FSTL5: variants seen among roughly 807,000 people sequenced by gnomAD.
FSTL5 encodes the protein follistatin-related protein 5.
FSTL5 carries 62 observed loss-of-function variants against 89.1 expected under a neutral mutation model. That is an observed-to-expected ratio of 0.70 (90% CI 0.57 to 0.86). The LOEUF (loss-of-function observed/expected upper bound fraction) is 0.86. FSTL5 is among the 40% of genes least tolerant of loss of function. The pLI is 0.00. For synonymous variants in FSTL5, 383 were observed against 346.2 expected, an observed-to-expected ratio of 1.11 and a Z score of -1.18; for missense variants, 1,057 against 1,001.6, an observed-to-expected ratio of 1.06 and a Z score of -0.75.
In FSTL5 at chr4:161,462,672, T is replaced by A. The variant is rs544059121; in HGVS notation, c.1609-3353A>T. 2.1e-4 allele frequency among the ~76,000 whole-genome samples: 32 copies of A among 152,224 alleles called. No individual in the cohort carries two copies. In the South Asian group the frequency reaches 6.2e-3, roughly 30 times the overall value. ...GTGAGATAGTAAAGTACTTAGCGTG[T>A]GCCTGGTGAATATTAAGTACCATGG... On this transcript the variant is annotated intron_variant, in intron 13 of 15. Coordinates refer to ENST00000306100, the MANE Select transcript of FSTL5 (RefSeq NM_020116.5).
At chr4:162,154,242 C>A (rs1190553834) in intron 1 of FSTL5, among the ~76,000 whole-genome samples, 1 of 152,054 alleles carries the variant, frequency 6.6e-6, no homozygotes, top group Non-Finnish European at 1.5e-5. Context: ...ATAAAAGATG[C>A]AAGTGCAATG....
intron 5 of FSTL5, among the ~76,000 whole-genome samples, chr4:161,773,629 A>T (rs1741288428): frequency 6.6e-6 from 1 of 152,328 alleles, no homozygotes; most frequent in Non-Finnish European, 1.5e-5. Context: ...AATGCAAATC[A>T]AAATCACCAT....
chr4:161,752,271 A>AGATG, intron 6 of FSTL5, among the ~76,000 whole-genome samples: 1 of 148,162 alleles, frequency 6.7e-6, no homozygotes, highest in East Asian at 2.0e-4. Flanking sequence ...ATAGATAGAT[A>AGATG]GATGGAATGT....
intron 2 of FSTL5, among the ~76,000 whole-genome samples, chr4:162,100,219 T>C (rs1648748660): frequency 6.6e-6 from 1 of 152,036 alleles, no homozygotes. Flanking sequence ...ATTCAGAAAA[T>C]GGAGTATTAT....
At chr4:161,424,909 C>A (rs549093242) in intron 15 of FSTL5, among the ~76,000 whole-genome samples, 17 of 152,338 alleles carry the variant, frequency 1.1e-4, no homozygotes, top group African/African-American at 3.4e-4. Flanking sequence ...CAAAGAAAAG[C>A]AAACTCAAAT....
At chr4:161,677,274 C>A (rs35252011) in intron 6 of FSTL5, among the ~76,000 whole-genome samples, 158 of 150,252 alleles carry the variant, frequency 1.1e-3, no homozygotes, top group Non-Finnish European at 1.9e-3. Flanking sequence ...AAAGAGAGCC[C>A]GAGAGAGAGA....
At chr4:161,727,926 T>G (rs1043163438) in intron 6 of FSTL5, among the ~76,000 whole-genome samples, 6 of 152,156 alleles carry the variant, frequency 3.9e-5, no homozygotes, top group African/African-American at 1.4e-4. Flanking sequence ...GAGGTTGCAA[T>G]GAGCCAAGTT....
chr4:161,561,449 G>A (rs765450522), intron 8 of FSTL5, among the ~76,000 whole-genome samples: 2 of 151,894 alleles, frequency 1.3e-5, no homozygotes, highest in African/African-American at 2.4e-5. Context: ...GGAACTGCAT[G>A]GTTTGAGATG....
chr4:161,788,435 A>C (rs1183270741), intron 4 of FSTL5, among the ~76,000 whole-genome samples: 1 of 152,134 alleles, frequency 6.6e-6, no homozygotes, highest in East Asian at 1.9e-4. Context: ...CCAGCCTCTG[A>C]TAGTTGTTCC....
At chr4:161,747,622 G>C (rs1301552192) in intron 6 of FSTL5, among the ~76,000 whole-genome samples, 1 of 152,118 alleles carries the variant, frequency 6.6e-6, no homozygotes, top group Non-Finnish European at 1.5e-5. Context: ...CCATATGGTG[G>C]GGGCAACAAC....
intron 3 of FSTL5, among the ~76,000 whole-genome samples, chr4:162,002,333 T>C (rs575234242): frequency 6.6e-6 from 1 of 152,314 alleles, no homozygotes; most frequent in South Asian, 2.1e-4. Context: ...CTTCCATGTA[T>C]ATTTCAGGTC....
At chr4:161,630,084 A>C (rs1043564341) in intron 7 of FSTL5, among the ~76,000 whole-genome samples, 2 of 152,170 alleles carry the variant, frequency 1.3e-5, no homozygotes, top group Non-Finnish European at 2.9e-5. Context: ...ACTAGGTTTC[A>C]GTACTTTTTC....
At chr4:161,701,300 T>TAA (rs1488943877) in intron 6 of FSTL5, among the ~76,000 whole-genome samples, 1 of 152,174 alleles carries the variant, frequency 6.6e-6, no homozygotes, top group Non-Finnish European at 1.5e-5. Context: ...TAAGAGATAA[T>TAA]ATTTGTTCTC....
intron 4 of FSTL5, among the ~76,000 whole-genome samples, chr4:161,823,776 C>T (rs1187017083): frequency 6.6e-6 from 1 of 152,174 alleles, no homozygotes; most frequent in Admixed American, 6.5e-5. Context: ...CCAGATGGGC[C>T]ACCACTGCCA....
At chr4:161,460,623 T>G (rs1733529053) in intron 13 of FSTL5, among the ~76,000 whole-genome samples, 1 of 152,194 alleles carries the variant, frequency 6.6e-6, no homozygotes, top group South Asian at 2.1e-4. Flanking sequence ...TGTTAACAAG[T>G]CTCACTAAGG....
chr4:161,667,814 G>A (rs946000995), intron 6 of FSTL5, among the ~76,000 whole-genome samples: 3 of 151,926 alleles, frequency 2.0e-5, no homozygotes, highest in African/African-American at 7.2e-5. Flanking sequence ...CAACACATTA[G>A]AGATGAAAAA....
intron 7 of FSTL5, among the ~76,000 whole-genome samples, chr4:161,616,970 C>A (rs1457953039): frequency 6.6e-6 from 1 of 150,630 alleles, no homozygotes; most frequent in Non-Finnish European, 1.5e-5. Flanking sequence ...AAAATGTGTG[C>A]AAACTCAGGA....
At chr4:161,621,626 T>C (rs1359461052) in intron 7 of FSTL5, among the ~76,000 whole-genome samples, 2 of 151,960 alleles carry the variant, frequency 1.3e-5, no homozygotes, top group African/African-American at 2.4e-5. Flanking sequence ...CTTGAAAAGA[T>C]TGTTAAAATT....
intron 3 of FSTL5, among the ~76,000 whole-genome samples, chr4:161,982,697 T>C (rs546302760): frequency 1.7e-4 from 26 of 152,222 alleles, no homozygotes; most frequent in Non-Finnish European, 3.1e-4. Context: ...GGTGTTCATG[T>C]ATATGCACAG....
Sources: gnomAD v4.1 joint callset for allele counts (sites outside exome capture counted in the v4.1 genomes callset) on GRCh38, gnomAD v4.1.1 for gene constraint, MANE v1.5 for transcripts, NCBI Gene and HGNC (gene_info 2026-07-23, HGNC 2026-07-21) for gene names.